The following CCNYL1 variants were observed in gnomAD, a reference collection of about 807,000 sequenced individuals.
CCNYL1 encodes cyclin Y like 1.
A neutral mutation model predicts 44.2 loss-of-function variants in CCNYL1; 16 were observed. The observed-to-expected ratio is 0.36, with a 90% CI of 0.25 to 0.55. The LOEUF (loss-of-function observed/expected upper bound fraction) is 0.55, where lower values mean the gene tolerates loss of function less well. Among genes scored for constraint, CCNYL1 ranks in the 20% least tolerant of loss-of-function variants. CCNYL1 has a pLI of 0.85. For missense variants in CCNYL1, 348 were observed against 451.8 expected, an observed-to-expected ratio of 0.77 and a Z score of 2.08; for synonymous variants, 159 against 163.2, an observed-to-expected ratio of 0.97 and a Z score of 0.20.
At chr2:207,751,179 A>T in intron 9 of CCNYL1, 60 bp downstream of exon 9, 1 of 1,437,776 alleles carries the variant, frequency 7.0e-7, no homozygotes, top group Non-Finnish European at 9.6e-7. Context: ...AACATCTGTG[A>T]CTAAATCATA....
intron 1 of CCNYL1, among the ~76,000 whole-genome samples, chr2:207,716,706 C>A (rs1172578579): frequency 6.6e-6 from 1 of 152,176 alleles, no homozygotes; most frequent in African/African-American, 2.4e-5. Flanking sequence ...CATTTGATTT[C>A]AAGGGTACCG....
Position 207,719,916 on chromosome 2 carries a change from G to A in CCNYL1, c.221-4884G>A, listed in dbSNP as rs2091627104. On this transcript the variant is annotated intron_variant, in intron 1 of 9. Coordinates refer to ENST00000295414, the MANE Select transcript of CCNYL1 (RefSeq NM_001330218.2). ...GATAAGACTTGGTATGGTCAGGTGT[G>A]GTGGTGGCTCATGCCTGTACTACAG... is the stretch of plus-strand genomic sequence containing the variant. Among the ~76,000 whole-genome samples, 3 of 151,994 alleles carry A rather than the reference G, an allele frequency of 2.0e-5. No individual in the cohort carries two copies. In the South Asian group the frequency reaches 6.2e-4, roughly 32 times the overall value.
intron 1 of CCNYL1, 132 bp downstream of exon 1, chr2:207,712,248 C>G (rs866833226): frequency 1.5e-6 from 1 of 674,244 alleles, no homozygotes; most frequent in African/African-American, 1.9e-5. Context: ...AAGGCTGGTT[C>G]TGCCTCGCGT....
At chr2:207,724,770 G>T in intron 1 of CCNYL1, 30 bp from the exon 2 acceptor site, 1 of 1,503,042 alleles carries the variant, frequency 6.7e-7, no homozygotes, top group Non-Finnish European at 9.3e-7. Context: ...CTCACCTAAA[G>T]TGTCACGTCT....
rs2091887275 is a variant in CCNYL1, at chr2:207,751,093, A to T, written c.943A>T (p.Ser315Cys). The change falls in exon 9 of 10, where the codon AGC becomes TGC. Residue 315 changes from serine to cysteine, a missense_variant. Ser to Cys is a moderately radical substitution (Grantham distance 112). Transcript: ENST00000295414. ...NNLNFLFAPL[S>C]KERAQNLEAI... ...CCTGAATTTTCTATTTGCTCCTCTT[A>T]GCAAAGAAAGAGCACAGAACCTAGA... 6.2e-7 allele frequency: 1 copy of T among 1,614,000 alleles called. No individual in the cohort carries two copies. Among genetic ancestry groups the T allele is most frequent in the African/African-American group, 1.3e-5 (1 of 74,918 alleles).
rs142572332 is a variant in CCNYL1 at position 207,756,013 on chromosome 2, T to C, written c.*2315T>C. ...AATGATAAATAATGGTATACAAATA[T>C]TACAATCTACCACCTCAAAAAAACA... On this transcript the variant is annotated 3_prime_UTR_variant, in exon 10 of 10. Transcript: ENST00000295414. 1 of 152,202 alleles carries C rather than the reference T, an allele frequency of 6.6e-6. No individual in the cohort carries two copies. The highest frequency in any genetic ancestry group is 1.5e-5 in the Non-Finnish European group (1 of 68,038). The allele number at this position is 152,202 out of a possible 1,614,324, so 9.4% of individuals were successfully genotyped here.
chr2:207,751,748 G>A (rs1490076535), intron 9 of CCNYL1, among the ~76,000 whole-genome samples: 1 of 152,162 alleles, frequency 6.6e-6, no homozygotes, highest in Non-Finnish European at 1.5e-5. Context: ...CAGCTACTCG[G>A]GAGGCTGAGG....
At chr2:207,713,685 A>G (rs1490154046) in intron 1 of CCNYL1, among the ~76,000 whole-genome samples, 1 of 152,216 alleles carries the variant, frequency 6.6e-6, no homozygotes, top group East Asian at 1.9e-4. Flanking sequence ...TCTTATATTT[A>G]AACTTTGCTT....
intron 7 of CCNYL1, among the ~76,000 whole-genome samples, chr2:207,744,423 G>T (rs983058162): frequency 6.6e-6 from 1 of 152,058 alleles, no homozygotes; most frequent in Admixed American, 6.6e-5. Flanking sequence ...CTGTAGTGCA[G>T]TGGCTCAATC....
In CCNYL1 at chr2:207,740,470, G is replaced by A. The variant is rs144306017; in HGVS notation, c.468-185G>A. On this transcript the variant is annotated intron_variant, in intron 5 of 9. Transcript: ENST00000295414. The stretch of plus-strand genomic sequence containing the variant: ...CACAGTACAGAACCTCATATGCTGA[G>A]TAAAAAGAGGTCAGGAAATCCTCTG... Among the ~76,000 whole-genome samples, 594 of 152,276 alleles carry A rather than the reference G, an allele frequency of 3.9e-3. 2 individuals are homozygous for A. The highest frequency in any genetic ancestry group is 0.013 in the African/African-American group (545 of 41,538).
intron 1 of CCNYL1, 54 bp downstream of exon 1, chr2:207,712,170 C>T (rs542971429): frequency 4.1e-6 from 6 of 1,459,352 alleles, no homozygotes; most frequent in Non-Finnish European, 5.6e-6. Context: ...CCCGCCTCCT[C>T]CCCCAGAGTC....
At chr2:207,729,484 T>G (rs1308795756) in intron 3 of CCNYL1, among the ~76,000 whole-genome samples, 3 of 152,146 alleles carry the variant, frequency 2.0e-5, no homozygotes, top group African/African-American at 4.8e-5. Flanking sequence ...TGTTGGAGGC[T>G]TCCCTCACGT....
intron 3 of CCNYL1, among the ~76,000 whole-genome samples, chr2:207,728,884 C>T (rs1411717228): frequency 1.3e-5 from 2 of 151,970 alleles, no homozygotes; most frequent in Admixed American, 6.6e-5. Flanking sequence ...GCAATCCCCA[C>T]CTCCCAAGTT....
At chr2:207,740,062 A>C (rs1483681245) in intron 5 of CCNYL1, among the ~76,000 whole-genome samples, 1 of 152,224 alleles carries the variant, frequency 6.6e-6, no homozygotes, top group Non-Finnish European at 1.5e-5. Context: ...GAGGGTCTCC[A>C]GAAGTCCACA....
intron 7 of CCNYL1, among the ~76,000 whole-genome samples, chr2:207,743,953 C>T (rs548470791): frequency 5.9e-5 from 9 of 152,182 alleles, no homozygotes; most frequent in African/African-American, 2.2e-4. Flanking sequence ...CTACCAAGTG[C>T]TAGAGTAGAG....
intron 2 of CCNYL1, among the ~76,000 whole-genome samples, chr2:207,726,230 C>T (rs1035102021): frequency 6.6e-6 from 1 of 152,162 alleles, no homozygotes; most frequent in Non-Finnish European, 1.5e-5. Context: ...TTCTTCTGGC[C>T]TTTGTTAAAA....
chr2:207,753,823 A>G lies in CCNYL1; in HGVS notation c.*125A>G. 5 of 620,928 alleles carry G rather than the reference A, an allele frequency of 8.1e-6. No homozygotes were observed. Among genetic ancestry groups the G allele is most frequent in the Admixed American group, 3.0e-5 (1 of 33,888 alleles). The allele number at this position is 620,928 out of a possible 1,614,324, so 38.5% of individuals were successfully genotyped here. A position where few individuals can be genotyped will look rare whatever the true frequency, so the allele number is the denominator to read the frequency against. ...ATCAAAAGGAAAGATCTCAAATTCA[A>G]GAGACTCATGGACAACAAGGATTAT... is the stretch of plus-strand genomic sequence containing the variant. On this transcript the variant is annotated 3_prime_UTR_variant, in exon 10 of 10. Transcript: ENST00000295414.
At chr2:207,735,728 G>A (rs867950850) in intron 4 of CCNYL1, among the ~76,000 whole-genome samples, 5 of 152,208 alleles carry the variant, frequency 3.3e-5, no homozygotes, top group South Asian at 2.1e-4. Context: ...TTAGCCAAGC[G>A]TGGTGGCGTG....
intron 9 of CCNYL1, among the ~76,000 whole-genome samples, chr2:207,753,010 C>T (rs1308191181): frequency 1.3e-5 from 2 of 150,558 alleles, no homozygotes; most frequent in Non-Finnish European, 3.0e-5. Context: ...GCCTGGGCAA[C>T]GAGCGAAACT....
Sources: gnomAD v4.1 joint callset for allele counts (sites outside exome capture counted in the v4.1 genomes callset) on GRCh38, gnomAD v4.1.1 for gene constraint, MANE v1.5 for transcripts, NCBI Gene and HGNC (gene_info 2026-07-23, HGNC 2026-07-21) for gene names.